Variants in UBE2W observed in about 807,000 individuals in gnomAD.
UBE2W encodes the protein ubiquitin conjugating enzyme E2 W.
A neutral mutation model predicts 27.2 loss-of-function variants in UBE2W; 18 were observed. The ratio of observed to expected loss-of-function variants is 0.66; its 90% CI spans 0.46 to 0.98. The LOEUF (loss-of-function observed/expected upper bound fraction) is 0.98. Ranked by LOEUF, UBE2W falls within the 50% of genes least tolerant of loss-of-function variation. UBE2W has a pLI of 0.00. For synonymous variants in UBE2W, 53 were observed against 57.2 expected, an observed-to-expected ratio of 0.93 and a Z score of 0.33; for missense variants, 90 against 180.2, an observed-to-expected ratio of 0.50 and a Z score of 2.87.
chr8:73,815,361 G>A (rs999964644), intron 3 of UBE2W, among the ~76,000 whole-genome samples: 2 of 152,102 alleles, frequency 1.3e-5, no homozygotes, highest in Non-Finnish European at 2.9e-5. Flanking sequence ...GCAACAGAGT[G>A]AGACCCTGTC....
At chr8:73,848,981 G>A (rs1031711253) in intron 1 of UBE2W, among the ~76,000 whole-genome samples, 1 of 152,036 alleles carries the variant, frequency 6.6e-6, no homozygotes, top group African/African-American at 2.4e-5. Flanking sequence ...TTAAATGGAT[G>A]AGTATATTAT....
At chr8:73,802,828 C>G (rs1000363425) in intron 5 of UBE2W, among the ~76,000 whole-genome samples, 24 of 152,104 alleles carry the variant, frequency 1.6e-4, no homozygotes, top group Non-Finnish European at 7.4e-5. Context: ...TCAAGACCAT[C>G]CTGGCTAACA....
rs146026465 is a variant in UBE2W, at chr8:73,809,730, C to T, written c.366+744G>A. On this transcript the variant is annotated intron_variant, in intron 4 of 5. Transcript: ENST00000602593. ...GAGTAGCTGGGATTACAGGCATATA[C>T]CATCACACCCAGTTAATTTTTGTAT... Among the ~76,000 whole-genome samples, 372 of 152,086 alleles carry T rather than the reference C, an allele frequency of 2.4e-3. 1 individual carries two copies. Among genetic ancestry groups the T allele is most frequent in the African/African-American group, 8.5e-3 (353 of 41,472 alleles).
At position 73,805,196 on chromosome 8, in the gene UBE2W, G is replaced by A. The variant is rs180900860; in HGVS notation, c.442+455C>T. Among the ~76,000 whole-genome samples the A allele has an allele frequency of 1.2e-4, 18 of 150,826 alleles. No individual in the cohort carries two copies. In the East Asian group the frequency reaches 2.4e-3, roughly 20 times the overall value. ...GTGCTGGGCGTGGTGGCTCACGCCT[G>A]TAATCCCAGAACTTTGGGATGCCCA... On this transcript the variant is annotated intron_variant, in intron 5 of 5. Coordinates refer to ENST00000602593, the MANE Select transcript of UBE2W (RefSeq NM_018299.6).
chr8:73,818,673 G>A lies in UBE2W; in HGVS notation c.210+6474C>T, dbSNP rs552480565. 1.1e-3 allele frequency among the ~76,000 whole-genome samples: 162 copies of A among 152,284 alleles called. No individual in the cohort carries two copies. The Middle Eastern group carries it at 0.014, about 13-fold the overall frequency. Reference sequence around the variant, plus strand: ...TGTTGGAGGTGGGGCCTGGTGGGAGGTGTGTGGGTCACTCTGGGTGTGTGC... The same window carrying A: ...TGTTGGAGGTGGGGCCTGGTGGGAGATGTGTGGGTCACTCTGGGTGTGTGC... On this transcript the variant is annotated intron_variant, in intron 3 of 5. Transcript: ENST00000602593.
chr8:73,796,691 C>T (rs949773835), intron 5 of UBE2W: 6 of 981,280 alleles, frequency 6.1e-6, no homozygotes, highest in Non-Finnish European at 7.3e-6. Context: ...TCCATGATGG[C>T]TATATGTAAT....
At position 73,795,764 on chromosome 8, in the gene UBE2W, A is replaced by T; in HGVS notation, c.443-1649T>A. ...GAATAGTATCTTTAAGAAAACAAGT[A>T]GTTTATATCCTCTAAAGTTCACTCA... On this transcript the variant is annotated intron_variant, in intron 5 of 5. Coordinates refer to ENST00000602593, the MANE Select transcript of UBE2W (RefSeq NM_018299.6). 4.1e-6 allele frequency: 4 copies of T among 982,550 alleles called. No individual in the cohort carries two copies. In the South Asian group the frequency reaches 1.4e-4, roughly 35 times the overall value. 60.9% of individuals were successfully genotyped at this position (982,550 alleles called of 1,614,324 possible).
At position 73,788,800 on chromosome 8, in the gene UBE2W, A is replaced by G; in HGVS notation, c.*5302T>C. ...CCTTTTCTCAAAACCCAGAGAGTGTATGTGCCAAGGACTAGAACAAGAATT... is the reference window on the plus strand; with the variant it reads ...CCTTTTCTCAAAACCCAGAGAGTGTGTGTGCCAAGGACTAGAACAAGAATT... On this transcript the variant is annotated 3_prime_UTR_variant, in exon 6 of 6. Coordinates refer to ENST00000602593, the MANE Select transcript of UBE2W (RefSeq NM_018299.6). 2.0e-6 allele frequency: 2 copies of G among 985,402 alleles called. No homozygotes were observed. The highest frequency in any genetic ancestry group is 2.4e-6 in the Non-Finnish European group (2 of 829,916). 61.0% of individuals were successfully genotyped at this position (985,402 alleles called of 1,614,324 possible). A position where few individuals can be genotyped will look rare whatever the true frequency, so the allele number is the denominator to read the frequency against.
chr8:73,866,318 T>TAC (rs1554586492), intron 1 of UBE2W, among the ~76,000 whole-genome samples: 16 of 126,002 alleles, frequency 1.3e-4, no homozygotes, highest in Non-Finnish European at 1.8e-4. Context: ...TATATATATA[T>TAC]ACTCAGCAAT....
At chr8:73,795,700 A>G (rs1808382477) in intron 5 of UBE2W, 2 of 779,274 alleles carry the variant, frequency 2.6e-6, no homozygotes, top group Middle Eastern at 6.8e-4. Context: ...GTTTAAAAAT[A>G]AATCATCCCT....
chr8:73,822,193 C>T (rs1410586836), intron 3 of UBE2W, among the ~76,000 whole-genome samples: 11 of 152,144 alleles, frequency 7.2e-5, no homozygotes, highest in Admixed American at 5.2e-4. Flanking sequence ...ACCCCTACTA[C>T]GTCCCAATTC....
intron 1 of UBE2W, among the ~76,000 whole-genome samples, chr8:73,865,088 C>T (rs1338636540): frequency 7.4e-6 from 1 of 134,446 alleles, no homozygotes; most frequent in Non-Finnish European, 1.5e-5. Context: ...TAATGTGGCA[C>T]AAAATAGACC....
chr8:73,816,813 A>T (rs1275712657), intron 3 of UBE2W, among the ~76,000 whole-genome samples: 1 of 152,236 alleles, frequency 6.6e-6, no homozygotes, highest in East Asian at 1.9e-4. Context: ...TGGGCGGATC[A>T]CTGGGGGGTT....
intron 2 of UBE2W, among the ~76,000 whole-genome samples, chr8:73,830,162 T>C (rs914247038): frequency 6.6e-6 from 1 of 151,876 alleles, no homozygotes; most frequent in Non-Finnish European, 1.5e-5. Flanking sequence ...GTACCAAAGA[T>C]AGTTTAAAAA....
chr8:73,866,294 T>A (rs868518324), intron 1 of UBE2W, among the ~76,000 whole-genome samples: 1,384 of 98,968 alleles, frequency 0.014, 15 homozygotes, highest in Non-Finnish European at 0.02. Flanking sequence ...AAAAAAAATA[T>A]ATATATATAT....
chr8:73,831,108 C>T (rs557780444), intron 1 of UBE2W: 4 of 329,170 alleles, frequency 1.2e-5, no homozygotes, highest in Admixed American at 4.7e-5. Flanking sequence ...ATATTCTTTC[C>T]TATAAACCAG....
intron 4 of UBE2W, among the ~76,000 whole-genome samples, chr8:73,810,007 C>T (rs1221220842): frequency 6.6e-6 from 1 of 152,002 alleles, no homozygotes; most frequent in Non-Finnish European, 1.5e-5. Context: ...GACTGGTAAA[C>T]TGGTCTTCCT....
downstream of UBE2W, among the ~76,000 whole-genome samples, chr8:73,784,864 A>G (rs1472711284): frequency 2.6e-5 from 4 of 152,194 alleles, no homozygotes; most frequent in East Asian, 1.9e-4. Flanking sequence ...GCTCAGTTTC[A>G]TAACTATTTC....
intron 1 of UBE2W, among the ~76,000 whole-genome samples, chr8:73,842,169 T>C (rs1213744194): frequency 6.6e-6 from 1 of 151,946 alleles, no homozygotes; most frequent in Non-Finnish European, 1.5e-5. Flanking sequence ...AATCTAGAAA[T>C]ATATATCCAT....
Sources: gnomAD v4.1 joint callset for allele counts (sites outside exome capture counted in the v4.1 genomes callset) on GRCh38, gnomAD v4.1.1 for gene constraint, MANE v1.5 for transcripts, NCBI Gene and HGNC (gene_info 2026-07-23, HGNC 2026-07-21) for gene names.